The following DOCK9 variants were observed in gnomAD, a reference collection of about 807,000 sequenced individuals.
The protein encoded by DOCK9 is dedicator of cytokinesis 9, also known as dedicator of cytokinesis protein 9.
A neutral mutation model predicts 263.3 loss-of-function variants in DOCK9; 89 were observed. The ratio of observed to expected loss-of-function variants is 0.34; its 90% CI spans 0.28 to 0.40. The LOEUF (loss-of-function observed/expected upper bound fraction) is 0.40. Among genes scored for constraint, DOCK9 ranks in the 10% least tolerant of loss-of-function variants. The probability of loss-of-function intolerance (pLI) is 1.00; values close to 1 mark genes in which losing one functional copy is unlikely to be tolerated. For missense variants in DOCK9, 2,140 were observed against 2,603.4 expected, an observed-to-expected ratio of 0.82 and a Z score of 3.87; for synonymous variants, 976 against 973.1, an observed-to-expected ratio of 1.00 and a Z score of -0.06.
intron 1 of DOCK9, among the ~76,000 whole-genome samples, chr13:99,026,643 A>G (rs1003096527): frequency 3.3e-5 from 5 of 152,190 alleles, no homozygotes; most frequent in African/African-American, 1.2e-4. Flanking sequence ...AAAGAAATTT[A>G]TTTTGCAGAT....
intron 18 of DOCK9, among the ~76,000 whole-genome samples, chr13:98,887,464 A>C (rs1386483055): frequency 1.3e-5 from 2 of 151,188 alleles, no homozygotes; most frequent in African/African-American, 4.9e-5. Flanking sequence ...AAAATACAAA[A>C]AATTAGCGGG....
At chr13:99,012,923 T>G (rs1884766206) in intron 1 of DOCK9, among the ~76,000 whole-genome samples, 1 of 152,174 alleles carries the variant, frequency 6.6e-6, no homozygotes, top group Non-Finnish European at 1.5e-5. Context: ...ATTTTGGCTT[T>G]AGAATAAGTG....
intron 2 of DOCK9, among the ~76,000 whole-genome samples, chr13:98,946,779 C>T (rs2056768569): frequency 6.6e-6 from 1 of 152,162 alleles, no homozygotes; most frequent in South Asian, 2.1e-4. Flanking sequence ...CCTGTGTCTC[C>T]CCACTCACTT....
chr13:98,989,348 T>C (rs1473215389), intron 1 of DOCK9, among the ~76,000 whole-genome samples: 1 of 107,340 alleles, frequency 9.3e-6, no homozygotes, highest in Non-Finnish European at 2.0e-5. Flanking sequence ...ATGATGATGA[T>C]AATAATAATA....
chr13:99,006,848 T>G (rs1303227016), intron 1 of DOCK9, among the ~76,000 whole-genome samples: 1 of 152,124 alleles, frequency 6.6e-6, no homozygotes, highest in Non-Finnish European at 1.5e-5. Flanking sequence ...TCCCAGCACT[T>G]TGGGAGGCCA....
chr13:98,878,302 T>G (rs2044183769), intron 27 of DOCK9, among the ~76,000 whole-genome samples: 1 of 152,236 alleles, frequency 6.6e-6, no homozygotes, highest in Non-Finnish European at 1.5e-5. Context: ...GCTATAATCC[T>G]ATTCTGTATA....
intron 27 of DOCK9, among the ~76,000 whole-genome samples, chr13:98,876,845 T>C (rs1310897398): frequency 2.0e-5 from 3 of 152,206 alleles, no homozygotes; most frequent in Non-Finnish European, 4.4e-5. Context: ...AGTGAAAATG[T>C]TGAACCCTCA....
At position 98,915,441 on chromosome 13, in the gene DOCK9, C is replaced by G. The variant is rs367605601; in HGVS notation, c.780G>C (p.Leu260Phe). ...CCATTTCCACTTCACTGTCTGCTGC[C>G]AAGAGATAACTACTTTTGTCCTGCA... ...LKMQDKSSYLLAADSEVEMEE... is the reference protein window; with the variant it reads ...LKMQDKSSYLFAADSEVEMEE... The change falls in exon 8 of 53, where the codon TTG becomes TTC. Residue 260 changes from leucine to phenylalanine, a missense_variant. By Grantham distance (22) the Leu-to-Phe change is conservative (BLOSUM62 0). Coordinates refer to ENST00000682017, the MANE Select transcript of DOCK9 (RefSeq NM_001366683.2). 1.1e-5 allele frequency: 18 copies of G among 1,613,730 alleles called. No individual in the cohort carries two copies. The highest frequency in any genetic ancestry group is 1.4e-5 in the Non-Finnish European group (16 of 1,179,842).
intron 1 of DOCK9, among the ~76,000 whole-genome samples, chr13:98,966,956 C>T (rs1353845912): frequency 1.3e-5 from 2 of 152,222 alleles, no homozygotes; most frequent in African/African-American, 4.8e-5. Context: ...CCCAGGCCCA[C>T]GGAGTGAGAA....
intron 1 of DOCK9, among the ~76,000 whole-genome samples, chr13:98,976,084 A>G (rs2060251563): frequency 6.6e-6 from 1 of 152,150 alleles, no homozygotes; most frequent in South Asian, 2.1e-4. Flanking sequence ...TATCTTGTTT[A>G]CCCTGCTGGA....
intron 1 of DOCK9, among the ~76,000 whole-genome samples, chr13:98,977,099 G>A (rs931159051): frequency 2.6e-5 from 4 of 152,134 alleles, no homozygotes; most frequent in Non-Finnish European, 5.9e-5. Context: ...AAGAAATTCC[G>A]AGAGAAGCAC....
At chr13:99,086,182 C>T in intron 1 of DOCK9, 2 of 1,460,148 alleles carry the variant, frequency 1.4e-6, no homozygotes, top group Non-Finnish European at 1.8e-6. Flanking sequence ...CTGCCTGCGC[C>T]CCCGCCATCC....
upstream of DOCK9, among the ~76,000 whole-genome samples, chr13:99,086,885 A>G (rs905091841): frequency 5.3e-5 from 8 of 151,690 alleles, no homozygotes; most frequent in African/African-American, 1.9e-4. Context: ...CCCGGGCCGC[A>G]CGTCCGAAGA....
chr13:98,878,742 A>G (rs2044262992), intron 27 of DOCK9, among the ~76,000 whole-genome samples: 1 of 152,244 alleles, frequency 6.6e-6, no homozygotes. Context: ...AGAAAAAAGA[A>G]AAGGAGAAAC....
Position 98,863,151 on chromosome 13 carries a change from TG to T in DOCK9, c.3466-20del, listed in dbSNP as rs756377206. The T allele has an allele frequency of 1.3e-6, 2 of 1,585,364 alleles. No individual in the cohort carries two copies. Among genetic ancestry groups the T allele is most frequent in the South Asian group, 2.3e-5 (2 of 87,248 alleles). On this transcript the variant is annotated intron_variant, in intron 31 of 52. Coordinates refer to ENST00000682017, the MANE Select transcript of DOCK9 (RefSeq NM_001366683.2). ...GATGGCTCTGAAAAGAAGACACACATGGTAAGTTTGACCCAGGATTCTGAGA... is the reference window on the plus strand; with the variant it reads ...GATGGCTCTGAAAAGAAGACACACATGTAAGTTTGACCCAGGATTCTGAGA...
intron 15 of DOCK9, among the ~76,000 whole-genome samples, chr13:98,894,654 G>A (rs1465203877): frequency 1.3e-5 from 2 of 151,880 alleles, no homozygotes; most frequent in Admixed American, 6.6e-5. Context: ...GAAAAAATTA[G>A]TAAGAATGAA....
intron 30 of DOCK9, among the ~76,000 whole-genome samples, chr13:98,864,752 C>A (rs2093971167): frequency 6.6e-6 from 1 of 152,144 alleles, no homozygotes; most frequent in East Asian, 1.9e-4. Flanking sequence ...GAAATGTGAT[C>A]CCCAGTGTTG....
intron 1 of DOCK9, among the ~76,000 whole-genome samples, chr13:98,971,526 T>C (rs1472565077): frequency 2.1e-5 from 2 of 97,218 alleles, no homozygotes; most frequent in African/African-American, 9.6e-5. Flanking sequence ...GCTAACACGG[T>C]GAAACCCCAT....
chr13:98,892,619 T>A (rs12855000), intron 15 of DOCK9, among the ~76,000 whole-genome samples: 1 of 152,206 alleles, frequency 6.6e-6, no homozygotes, highest in Admixed American at 6.5e-5. Context: ...TAGGATATGC[T>A]GCAATGTATG....
Sources: gnomAD v4.1 joint callset for allele counts (sites outside exome capture counted in the v4.1 genomes callset) on GRCh38, gnomAD v4.1.1 for gene constraint, MANE v1.5 for transcripts, NCBI Gene and HGNC (gene_info 2026-07-23, HGNC 2026-07-21) for gene names.